CBL: variants seen among roughly 807,000 people sequenced by gnomAD.
CBL encodes Cbl proto-oncogene.
A neutral mutation model predicts 96.9 loss-of-function variants in CBL; 45 were observed. The ratio of observed to expected loss-of-function variants is 0.46; its 90% CI spans 0.37 to 0.60. CBL has a LOEUF of 0.60. Ranked by LOEUF, CBL falls within the 20% of genes least tolerant of loss-of-function variation. CBL has a pLI of 0.00. For synonymous variants in CBL, 420 were observed against 426.8 expected (o/e 0.98, Z 0.20); for missense variants, 1,024 against 1,143.5 (o/e 0.90, Z 1.51).
rs1199658379 is a variant in CBL at position 119,307,926 on chromosome 11, CAG to C, written c.*8147_*8148del. The C allele has an allele frequency of 5.5e-5, 11 of 199,666 alleles. No individual in the cohort carries two copies. Among genetic ancestry groups the C allele is most frequent in the African/African-American group, 2.3e-4 (10 of 43,470 alleles). The allele number at this position is 199,666 out of a possible 1,614,324, so 12.4% of individuals were successfully genotyped here. On this transcript the variant is annotated 3_prime_UTR_variant, in exon 16 of 16. Coordinates refer to ENST00000264033, the MANE Select transcript of CBL (RefSeq NM_005188.4). ...TCTCACCTGTAAAGAATAAGAAAAA[CAG>C]AAGGTAAATATTCTTACAGAGAATA...
intron 2 of CBL, among the ~76,000 whole-genome samples, chr11:119,269,006 A>G (rs1949823692): frequency 6.6e-6 from 1 of 152,246 alleles, no homozygotes; most frequent in Non-Finnish European, 1.5e-5. Context: ...TGTCTGAGCC[A>G]CAGGCTGCTG....
chr11:119,243,752 G>T (rs1949604964), intron 2 of CBL, among the ~76,000 whole-genome samples: 1 of 151,358 alleles, frequency 6.6e-6, no homozygotes, highest in Non-Finnish European at 1.5e-5. Context: ...TCTTTTGGGA[G>T]GCAGGGTCTC....
In CBL at chr11:119,282,463, C is replaced by A. The variant is rs367734262; in HGVS notation, c.1432-2506C>A. 8.1e-4 allele frequency among the ~76,000 whole-genome samples: 123 copies of A among 152,226 alleles called. 1 individual carries two copies. Among genetic ancestry groups the A allele is most frequent in the African/African-American group, 2.8e-3 (117 of 41,530 alleles). On this transcript the variant is annotated intron_variant, in intron 9 of 15. Coordinates refer to ENST00000264033, the MANE Select transcript of CBL (RefSeq NM_005188.4). ...AAAGATTGATGATCGGCAGAGAGGG[C>A]CTTCCAGAATGGGGAAAGGATTTAA...
At chr11:119,249,289 T>G (rs1335331865) in intron 2 of CBL, among the ~76,000 whole-genome samples, 1 of 151,966 alleles carries the variant, frequency 6.6e-6, no homozygotes, top group Non-Finnish European at 1.5e-5. Context: ...GGCGTGGAGG[T>G]TCATGCCTGT....
At chr11:119,247,392 G>A (rs1176583877) in intron 2 of CBL, among the ~76,000 whole-genome samples, 1 of 152,160 alleles carries the variant, frequency 6.6e-6, no homozygotes, top group African/African-American at 2.4e-5. Flanking sequence ...GAAAAGATAG[G>A]AAAAAGAGCC....
Position 119,302,527 on chromosome 11 carries a change from C to T in CBL, c.*2746C>T. 4.3e-6 allele frequency: 1 copy of T among 232,192 alleles called. No homozygotes were observed. Among genetic ancestry groups the T allele is most frequent in the Non-Finnish European group, 8.5e-6 (1 of 117,398 alleles). The allele number at this position is 232,192 out of a possible 1,614,324, so 14.4% of individuals were successfully genotyped here. A position where few individuals can be genotyped will look rare whatever the true frequency, so the allele number is the denominator to read the frequency against. ...CCTTCCGCTTGTCCCTTCCTAGTGG[C>T]TAATAAAGTAAAAAAACCCACACTA... On this transcript the variant is annotated 3_prime_UTR_variant, in exon 16 of 16. Coordinates refer to ENST00000264033, the MANE Select transcript of CBL (RefSeq NM_005188.4).
rs1362328110 is a variant in CBL, at chr11:119,301,890, CAAAG to C, written c.*2112_*2115del. 1.3e-5 allele frequency: 3 copies of C among 232,078 alleles called. No homozygotes were observed. Among genetic ancestry groups the C allele is most frequent in the Admixed American group, 5.7e-5 (1 of 17,656 alleles). The allele number at this position is 232,078 out of a possible 1,614,324, so 14.4% of individuals were successfully genotyped here. On this transcript the variant is annotated 3_prime_UTR_variant, in exon 16 of 16. Coordinates refer to ENST00000264033, the MANE Select transcript of CBL (RefSeq NM_005188.4). ...TTTGTTTAAATATTGAAGGCCTAGACAAAGAACTAGAAAAAAAAAAGCAGTTTCC... is the reference window on the plus strand; with the variant it reads ...TTTGTTTAAATATTGAAGGCCTAGACAACTAGAAAAAAAAAAGCAGTTTCC...
At chr11:119,262,124 C>A (rs1949759603) in intron 2 of CBL, among the ~76,000 whole-genome samples, 1 of 152,152 alleles carries the variant, frequency 6.6e-6, no homozygotes, top group Admixed American at 6.5e-5. Context: ...TTGAGAAGGG[C>A]ACTTCACCTC....
intron 1 of CBL, 141 bp downstream of exon 1, chr11:119,206,753 G>A (rs1050456235): frequency 1.1e-5 from 9 of 849,564 alleles, no homozygotes; most frequent in Admixed American, 2.8e-5. Flanking sequence ...GTGACCGGCC[G>A]GGGGCGTGGG....
intron 2 of CBL, among the ~76,000 whole-genome samples, chr11:119,263,421 A>G (rs1367780222): frequency 6.6e-6 from 1 of 152,102 alleles, no homozygotes; most frequent in Non-Finnish European, 1.5e-5. Context: ...CTTCCCATTT[A>G]CTTGGTGAGT....
At chr11:119,273,785 T>C in intron 3 of CBL, 83 bp from the exon 4 acceptor site, 1 of 1,196,804 alleles carries the variant, frequency 8.4e-7, no homozygotes, top group South Asian at 1.3e-5. Context: ...TTAATGTGGC[T>C]CTCCTTCCTT....
chr11:119,260,939 C>CTT lies in CBL; in HGVS notation c.444-10777_444-10776dup, dbSNP rs35248070. On this transcript the variant is annotated intron_variant, in intron 2 of 15. Transcript: ENST00000264033. ...TTTCACTTTGGCAGTTAAATCTCTACTTTTTTTTTTTTTTTTTTTTAATGG... is the reference window on the plus strand; with the variant it reads ...TTTCACTTTGGCAGTTAAATCTCTACTTTTTTTTTTTTTTTTTTTTTTAATGG... Among the ~76,000 whole-genome samples, 68 of 89,922 alleles carry CTT rather than the reference C, an allele frequency of 7.6e-4. 3 individuals carry two copies. The highest frequency in any genetic ancestry group is 2.0e-3 in the African/African-American group (39 of 19,870). The allele number at this position is 89,922 out of a possible 152,430, so 59.0% of individuals were successfully genotyped here.
chr11:119,208,652 A>G (rs1949294026), intron 1 of CBL, among the ~76,000 whole-genome samples: 1 of 152,040 alleles, frequency 6.6e-6, no homozygotes, highest in South Asian at 2.1e-4. Context: ...CGGCCTCCCA[A>G]AGTGCTGGGA....
At chr11:119,221,005 GGAGGCCGGGGTGGGCGATCATTT>G (rs1418021312) in intron 1 of CBL, among the ~76,000 whole-genome samples, 2 of 152,100 alleles carry the variant, frequency 1.3e-5, no homozygotes, top group Non-Finnish European at 2.9e-5. Flanking sequence ...CAGCACTTTG[GGAGGCCGGGGTGGGCGATCATTT>G]GAGGCCAGGA....
chr11:119,278,712 A>C lies in CBL; in HGVS notation c.1430A>C (p.Lys477Thr), dbSNP rs1243570781. The C allele has an allele frequency of 1.2e-6, 2 of 1,613,624 alleles. No homozygotes were observed. Among genetic ancestry groups the C allele is most frequent in the Non-Finnish European group, 1.7e-6 (2 of 1,179,710 alleles). The change falls in exon 9 of 16, where the codon AAG becomes ACG. Residue 477 changes from lysine (K) to threonine (T), a missense_variant and splice_region_variant. Transcript: ENST00000264033. The stretch of plus-strand genomic sequence containing the variant: ...ATGATGAAGGAATTGGCTGGTGCCA[A>C]GGTAAGATGGCAGTTTAGGAGACTG... ...LFMMKELAGA[K>T]VERPPSPFSM... is the part of the protein sequence containing the mutation.
rs2135310654 is a variant in CBL, at chr11:119,285,366, G to A, written c.1741G>A (p.Val581Ile). Residue 581 changes from valine (V) to isoleucine (I), a missense_variant, in exon 11 of 16, where the codon GTC (valine) becomes ATC (isoleucine). By Grantham distance (29) the Val-to-Ile change is conservative. This residue lies in a region of CBL where 695 missense variants were observed against 661.6 expected (regional missense o/e 1.05). Transcript: ENST00000264033. ...TCCCTCCAGAGACAAACTGCCCCCTGTCCCCTCTAGCCGCCTTGGAGACTC... is the reference window on the plus strand; with the variant it reads ...TCCCTCCAGAGACAAACTGCCCCCTATCCCCTCTAGCCGCCTTGGAGACTC... ...DCPSRDKLPP[V>I]PSSRLGDSWL... 6.2e-7 allele frequency: 1 copy of A among 1,614,070 alleles called. No individual in the cohort carries two copies.
At chr11:119,230,126 C>T (rs984840528) in intron 1 of CBL, among the ~76,000 whole-genome samples, 4 of 150,894 alleles carry the variant, frequency 2.7e-5, no homozygotes, top group African/African-American at 7.3e-5. Context: ...AATGAGCTTT[C>T]GGTGACACAA....
chr11:119,274,978 T>G (rs1395474654), intron 5 of CBL, 25 bp downstream of exon 5: 1 of 1,604,476 alleles, frequency 6.2e-7, no homozygotes, highest in African/African-American at 1.4e-5. Context: ...GCAAAGAGAT[T>G]TATTCTTCTG....
At chr11:119,270,710 T>C (rs1949840822) in intron 2 of CBL, among the ~76,000 whole-genome samples, 1 of 151,746 alleles carries the variant, frequency 6.6e-6, no homozygotes, top group Non-Finnish European at 1.5e-5. Context: ...CCTCCCAAAG[T>C]GCTGGGATTA....
Sources: gnomAD v4.1 joint callset for allele counts (sites outside exome capture counted in the v4.1 genomes callset) on GRCh38, gnomAD v4.1.1 for gene constraint, gnomAD v4.1.1 regional missense constraint, MANE v1.5 for transcripts, NCBI Gene and HGNC (gene_info 2026-07-23, HGNC 2026-07-21) for gene names.